Variants in RTF2 observed in about 807,000 individuals in gnomAD.
RTF2 encodes the protein replication termination factor 2.
RTF2 carries 18 observed loss-of-function variants against 38.0 expected under a neutral mutation model. That is an observed-to-expected ratio of 0.47 (90% CI 0.33 to 0.70). The LOEUF is 0.70. RTF2 is among the 30% of genes least tolerant of loss of function. The pLI is 0.02. For missense variants in RTF2, 311 were observed against 379.6 expected (o/e 0.82, Z 1.50); for synonymous variants, 126 against 137.1 (o/e 0.92, Z 0.57).
intron 5 of RTF2, among the ~76,000 whole-genome samples, chr20:56,510,723 T>A (rs1232402805): frequency 6.6e-6 from 1 of 152,186 alleles, no homozygotes; most frequent in Non-Finnish European, 1.5e-5. Flanking sequence ...GTGGATTACC[T>A]GAGCCCAGAA....
chr20:56,482,771 G>A (rs1568694929), intron 4 of RTF2, among the ~76,000 whole-genome samples: 1 of 152,144 alleles, frequency 6.6e-6, no homozygotes, highest in Non-Finnish European at 1.5e-5. Flanking sequence ...TTGTCCTTTG[G>A]CATTTTTCAA....
chr20:56,502,531 A>G (rs553733663), intron 5 of RTF2, among the ~76,000 whole-genome samples: 2 of 152,238 alleles, frequency 1.3e-5, no homozygotes, highest in East Asian at 3.9e-4. Context: ...TGTGGTAAAG[A>G]CTTTTTAGGG....
rs201197027 is a variant in RTF2, at chr20:56,473,373, A to G, written c.142A>G (p.Ile48Val). The change falls in exon 2 of 9, where the codon ATA becomes GTA. Residue 48 changes from isoleucine (I) to valine (V), a missense_variant. Ile to Val is a conservative substitution (Grantham distance 29). Transcript: ENST00000357348. The part of the protein sequence containing the change: ...TLSQEILRRP[I>V]VACELGRLYN... The stretch of plus-strand genomic sequence containing the variant: ...AAGTCAGGAAATATTAAGACGACCA[A>G]TAGTTGCCTGTGAACTTGGCAGGTA... The G allele has an allele frequency of 5.2e-5, 84 of 1,612,920 alleles. No individual in the cohort carries two copies. Among genetic ancestry groups the G allele is most frequent in the Non-Finnish European group, 5.5e-5 (65 of 1,179,064 alleles).
intron 1 of RTF2, chr20:56,472,474 G>T (rs1383919322): frequency 1.0e-6 from 1 of 998,816 alleles, no homozygotes; most frequent in Non-Finnish European, 1.5e-6. Context: ...TTTCATACTG[G>T]GGATAAAGTT....
chr20:56,502,438 A>G (rs1236898019), intron 5 of RTF2, among the ~76,000 whole-genome samples: 4 of 152,202 alleles, frequency 2.6e-5, no homozygotes, highest in Non-Finnish European at 4.4e-5. Context: ...AAAGTCAGCA[A>G]TATGGGTTTG....
chr20:56,478,820 A>G (rs927945467), intron 4 of RTF2, among the ~76,000 whole-genome samples: 1 of 152,184 alleles, frequency 6.6e-6, no homozygotes, highest in African/African-American at 2.4e-5. Context: ...GTTTAATAGC[A>G]TTTTACCCAC....
intron 2 of RTF2, among the ~76,000 whole-genome samples, chr20:56,474,342 A>C (rs187849919): frequency 6.6e-6 from 1 of 151,984 alleles, no homozygotes; most frequent in Non-Finnish European, 1.5e-5. Context: ...TTAGCCAGGC[A>C]TGGTGGCAGG....
At chr20:56,494,148 C>G (rs1409697246) in intron 5 of RTF2, among the ~76,000 whole-genome samples, 1 of 152,204 alleles carries the variant, frequency 6.6e-6, no homozygotes, top group Non-Finnish European at 1.5e-5. Context: ...GCTTGGCCTA[C>G]TTAGGGTGCT....
chr20:56,476,323 A>C (rs1982240995), intron 3 of RTF2, among the ~76,000 whole-genome samples: 1 of 152,164 alleles, frequency 6.6e-6, no homozygotes, highest in Non-Finnish European at 1.5e-5. Context: ...AGCCTCAGAG[A>C]GGATTCATCA....
intron 3 of RTF2, among the ~76,000 whole-genome samples, chr20:56,476,569 A>G (rs2146318524): frequency 6.8e-6 from 1 of 147,502 alleles, no homozygotes; most frequent in Non-Finnish European, 1.5e-5. Context: ...GCACGATCTC[A>G]GCTCACTGCA....
rs1457905941 is a variant in RTF2 at position 56,518,550 on chromosome 20, A to T, written c.*285A>T. On this transcript the variant is annotated 3_prime_UTR_variant, in exon 9 of 9. Transcript: ENST00000357348. ...GGAAGCCCTGTGGGCTGCACTTTTT[A>T]TGCTTGCAGTAACAAGAGACTCCAG... 1 of 308,586 alleles carries T rather than the reference A, an allele frequency of 3.2e-6. No homozygotes were observed. Among genetic ancestry groups the T allele is most frequent in the Non-Finnish European group, 5.9e-6 (1 of 169,168 alleles). The allele number at this position is 308,586 out of a possible 1,614,324, so 19.1% of individuals were successfully genotyped here. A position where few individuals can be genotyped will look rare whatever the true frequency, so the allele number is the denominator to read the frequency against.
chr20:56,490,124 C>T (rs746066297), intron 5 of RTF2, among the ~76,000 whole-genome samples: 15 of 152,218 alleles, frequency 9.9e-5, no homozygotes, highest in Non-Finnish European at 1.8e-4. Flanking sequence ...AATCCCTTTT[C>T]CTTCTGTCTA....
At position 56,514,910 on chromosome 20, in the gene RTF2, G is replaced by T. The variant is rs575695265; in HGVS notation, c.591+1482G>T. ...AAAGAGTCACTTGGTAGGCGGGCGT[G>T]GTGGCGTGTGCCTGTAATGCCAGCT... On this transcript the variant is annotated intron_variant, in intron 6 of 8. Transcript: ENST00000357348. 2.6e-5 allele frequency among the ~76,000 whole-genome samples: 4 copies of T among 152,216 alleles called. No individual in the cohort carries two copies. The South Asian group carries it at 8.3e-4, about 32-fold the overall frequency.
chr20:56,489,889 C>A (rs1445761857), intron 5 of RTF2, among the ~76,000 whole-genome samples: 5 of 152,234 alleles, frequency 3.3e-5, no homozygotes, highest in African/African-American at 1.2e-4. Flanking sequence ...AGCCTGTCAG[C>A]ATGTAGCCAG....
At chr20:56,516,638 A>C in intron 6 of RTF2, 1 of 472,260 alleles carries the variant, frequency 2.1e-6, no homozygotes. Context: ...TATTACTGAA[A>C]TCTGTCAGCC....
intron 3 of RTF2, among the ~76,000 whole-genome samples, chr20:56,475,911 C>T (rs1314941572): frequency 1.3e-5 from 2 of 152,182 alleles, no homozygotes; most frequent in Non-Finnish European, 2.9e-5. Flanking sequence ...ATAAGATTGT[C>T]ATTACCGTCA....
intron 1 of RTF2, chr20:56,472,321 T>C (rs1034181671): frequency 2.0e-5 from 30 of 1,508,636 alleles, no homozygotes; most frequent in African/African-American, 9.7e-5. Flanking sequence ...TGTTAAATTA[T>C]TCAGATTTGG....
intron 4 of RTF2, among the ~76,000 whole-genome samples, chr20:56,477,632 C>G (rs1014174733): frequency 1.3e-4 from 20 of 152,020 alleles, no homozygotes; most frequent in African/African-American, 4.1e-4. Flanking sequence ...ATCCTCCTGC[C>G]TCAGCATCCC....
intron 2 of RTF2, among the ~76,000 whole-genome samples, chr20:56,473,610 G>A (rs1051205451): frequency 6.6e-5 from 10 of 152,140 alleles, no homozygotes; most frequent in African/African-American, 1.7e-4. Context: ...TGGGCTGAGC[G>A]CAGTGGCTCA....
Sources: gnomAD v4.1 joint callset for allele counts (sites outside exome capture counted in the v4.1 genomes callset) on GRCh38, gnomAD v4.1.1 for gene constraint, MANE v1.5 for transcripts, NCBI Gene and HGNC (gene_info 2026-07-23, HGNC 2026-07-21) for gene names.